HSF2: variants seen among roughly 807,000 people sequenced by gnomAD.
HSF2 encodes the protein heat shock transcription factor 2.
In HSF2, 21 loss-of-function variants were observed where a neutral mutation model predicts 65.0. The observed-to-expected ratio is 0.32, with a 90% CI of 0.23 to 0.47. The LOEUF (loss-of-function observed/expected upper bound fraction) is 0.47, where lower values mean the gene tolerates loss of function less well. HSF2 is among the 20% of genes least tolerant of loss of function. The probability of loss-of-function intolerance (pLI) is 1.00; values close to 1 mark genes in which losing one functional copy is unlikely to be tolerated. For synonymous variants in HSF2, 225 were observed against 219.1 expected, an observed-to-expected ratio of 1.03 and a Z score of -0.24; for missense variants, 499 against 628.1, an observed-to-expected ratio of 0.79 and a Z score of 2.20.
In HSF2 at chr6:122,399,762, G is replaced by A; in HGVS notation, c.25G>A (p.Ala9Thr). Residue 9 changes from alanine to threonine, a missense_variant, in exon 1 of 13, where the codon GCT becomes ACT. Ala to Thr is a moderately conservative substitution (Grantham distance 58). Transcript: ENST00000368455. ...AATGAAGCAGAGTTCGAACGTGCCGGCTTTCCTCAGCAAGCTGTGGACGCT... is the reference window on the plus strand; with the variant it reads ...AATGAAGCAGAGTTCGAACGTGCCGACTTTCCTCAGCAAGCTGTGGACGCT... MKQSSNVP[A>T]FLSKLWTLVE... 14 of 1,612,410 alleles carry A rather than the reference G, an allele frequency of 8.7e-6. No homozygotes were observed. Among genetic ancestry groups the A allele is most frequent in the Non-Finnish European group, 1.2e-5 (14 of 1,179,340 alleles).
intron 7 of HSF2, among the ~76,000 whole-genome samples, chr6:122,420,641 T>TTG (rs1389735179): frequency 6.6e-6 from 1 of 151,022 alleles, no homozygotes; most frequent in East Asian, 1.9e-4. Context: ...GTGTGGCTTT[T>TTG]TTTTAACTTG....
At chr6:122,405,737 C>T (rs1773855890) in intron 1 of HSF2, among the ~76,000 whole-genome samples, 1 of 152,188 alleles carries the variant, frequency 6.6e-6, no homozygotes, top group Non-Finnish European at 1.5e-5. Context: ...CACAGCTATG[C>T]CCAATCTATT....
chr6:122,409,272 TGTTA>T (rs1167216220), intron 1 of HSF2, among the ~76,000 whole-genome samples: 4 of 151,904 alleles, frequency 2.6e-5, no homozygotes, highest in African/African-American at 9.7e-5. Flanking sequence ...AGGAGGAGAT[TGTTA>T]GTTGTACCAA....
At chr6:122,400,005 G>T (rs1440007245) in intron 1 of HSF2, among the ~76,000 whole-genome samples, 175 bp downstream of exon 1, 1 of 152,102 alleles carries the variant, frequency 6.6e-6, no homozygotes, top group Non-Finnish European at 1.5e-5. Context: ...TCGGGGAGCC[G>T]CGGGGGCCCG....
chr6:122,408,674 G>T (rs1773920231), intron 1 of HSF2, among the ~76,000 whole-genome samples: 2 of 152,046 alleles, frequency 1.3e-5, no homozygotes, highest in African/African-American at 4.8e-5. Flanking sequence ...TAGTATCTGT[G>T]ATTGACATTT....
rs560468604 is a variant in HSF2 at position 122,420,028 on chromosome 6, C to CT, written c.594-107_594-106insT. 21 of 1,006,402 alleles carry CT rather than the reference C, an allele frequency of 2.1e-5. No individual in the cohort carries two copies. In the East Asian group the frequency reaches 5.5e-4, roughly 26 times the overall value. The allele number at this position is 1,006,402 out of a possible 1,614,324, so 62.3% of individuals were successfully genotyped here. A position where few individuals can be genotyped will look rare whatever the true frequency, so the allele number is the denominator to read the frequency against. On this transcript the variant is annotated intron_variant, in intron 6 of 12. Transcript: ENST00000368455. ...TTTATTGTTACTGAAATTTTTTATTCATTATTAAGTGAGTGTGCATGTGTG... is the reference window on the plus strand; with the variant it reads ...TTTATTGTTACTGAAATTTTTTATTCTATTATTAAGTGAGTGTGCATGTGTG...
chr6:122,432,261 A>T lies in HSF2; in HGVS notation c.*41A>T. Reference sequence around the variant, plus strand: ...ACTTTACATGTATATATTCATCAAAATGATGAACTATTTATTTTAAAGTAT... The same window carrying T: ...ACTTTACATGTATATATTCATCAAATTGATGAACTATTTATTTTAAAGTAT... On this transcript the variant is annotated 3_prime_UTR_variant, in exon 13 of 13. Coordinates refer to ENST00000368455, the MANE Select transcript of HSF2 (RefSeq NM_004506.4). 4.3e-6 allele frequency: 6 copies of T among 1,405,974 alleles called. No individual in the cohort carries two copies. Among genetic ancestry groups the T allele is most frequent in the Non-Finnish European group, 5.9e-6 (6 of 1,021,576 alleles). 87.1% of individuals were successfully genotyped at this position (1,405,974 alleles called of 1,614,324 possible).
At chr6:122,429,631 T>C (rs1379936411) in intron 11 of HSF2, among the ~76,000 whole-genome samples, 1 of 152,190 alleles carries the variant, frequency 6.6e-6, no homozygotes, top group Non-Finnish European at 1.5e-5. Flanking sequence ...TTCAGTATGA[T>C]ACTGGCTATG....
At chr6:122,431,290 G>C (rs1309940114) in intron 11 of HSF2, 140 bp from the exon 12 acceptor site, 6 of 368,760 alleles carry the variant, frequency 1.6e-5, no homozygotes, top group East Asian at 1.3e-4. Flanking sequence ...ATCTCTCTCT[G>C]TAGCCCATTT....
chr6:122,425,220 G>GT (rs1300284120), intron 10 of HSF2, among the ~76,000 whole-genome samples: 14 of 151,974 alleles, frequency 9.2e-5, no homozygotes, highest in African/African-American at 3.1e-4. Flanking sequence ...TTAGAAACGA[G>GT]TGGCTGTATT....
Position 122,412,390 on chromosome 6 carries a change from G to A in HSF2, c.111G>A (p.Leu37=), listed in dbSNP as rs1435362839. Residue 37 remains leucine (L), a synonymous_variant, in exon 2 of 13, where the codon CTG becomes CTA. Coordinates refer to ENST00000368455, the MANE Select transcript of HSF2 (RefSeq NM_004506.4). ...ITWSQNGQSF[L]VLDEQRFAKE... Reference sequence around the variant, plus strand: ...CCTTGCAGAATGGCCAAAGTTTTCTGGTCTTGGATGAGCAACGATTTGCAA... The same window carrying A: ...CCTTGCAGAATGGCCAAAGTTTTCTAGTCTTGGATGAGCAACGATTTGCAA... The A allele has an allele frequency of 1.9e-6, 3 of 1,608,406 alleles. No individual in the cohort carries two copies. In the African/African-American group the frequency reaches 4.0e-5, roughly 22 times the overall value.
chr6:122,430,725 A>C (rs1017614112), intron 11 of HSF2, among the ~76,000 whole-genome samples: 3 of 152,188 alleles, frequency 2.0e-5, no homozygotes, highest in African/African-American at 7.2e-5. Context: ...TGGGACTTAC[A>C]GGAAAAATTA....
intron 6 of HSF2, among the ~76,000 whole-genome samples, chr6:122,419,556 G>GT (rs1456000887): frequency 1.3e-5 from 2 of 151,590 alleles, no homozygotes; most frequent in African/African-American, 2.4e-5. Context: ...GAGGCCATAT[G>GT]TTAAAAAAAA....
intron 5 of HSF2, among the ~76,000 whole-genome samples, chr6:122,417,016 T>C (rs1774142240): frequency 6.6e-6 from 1 of 152,224 alleles, no homozygotes; most frequent in South Asian, 2.1e-4. Flanking sequence ...AGCTTCTGAT[T>C]GCTCCTGCTT....
chr6:122,431,389 A>C, intron 11 of HSF2, 41 bp from the exon 12 acceptor site: 2 of 972,902 alleles, frequency 2.1e-6, no homozygotes. Context: ...AGAAACATAA[A>C]ATATGAAACA....
At position 122,432,440 on chromosome 6, in the gene HSF2, G is replaced by A. The variant is rs1291170032; in HGVS notation, c.*220G>A. ...TACGCAGATGTAATGCACATTATTG[G>A]CGTATCTTTAAGTTGGATTCAAATG... is the stretch of plus-strand genomic sequence containing the variant. On this transcript the variant is annotated 3_prime_UTR_variant, in exon 13 of 13. Coordinates refer to ENST00000368455, the MANE Select transcript of HSF2 (RefSeq NM_004506.4). 1 of 436,870 alleles carries A rather than the reference G, an allele frequency of 2.3e-6. No individual in the cohort carries two copies. The highest frequency in any genetic ancestry group is 4.1e-6 in the Non-Finnish European group (1 of 245,924). 27.1% of individuals were successfully genotyped at this position (436,870 alleles called of 1,614,324 possible). A position where few individuals can be genotyped will look rare whatever the true frequency, so the allele number is the denominator to read the frequency against.
chr6:122,411,460 T>G (rs1773992537), intron 1 of HSF2, among the ~76,000 whole-genome samples: 1 of 151,940 alleles, frequency 6.6e-6, no homozygotes. Flanking sequence ...GTAGTTCCAT[T>G]TGTCTATTTT....
chr6:122,406,704 C>A (rs1773875381), intron 1 of HSF2, among the ~76,000 whole-genome samples: 1 of 152,078 alleles, frequency 6.6e-6, no homozygotes, highest in Non-Finnish European at 1.5e-5. Context: ...AGGATAAATC[C>A]ATTTGCTGAG....
In HSF2 at chr6:122,431,887, A is replaced by G. The variant is rs1301692694; in HGVS notation, c.1316-38A>G. 2.5e-6 allele frequency: 4 copies of G among 1,570,992 alleles called. No homozygotes were observed. The South Asian group carries it at 4.7e-5, about 19-fold the overall frequency. Reference sequence around the variant, plus strand: ...TTTCCCCTCAGCTTGAACTCAGTATAAGCTGGTGATAAAAGAGTGTTTTTC... The same window carrying G: ...TTTCCCCTCAGCTTGAACTCAGTATGAGCTGGTGATAAAAGAGTGTTTTTC... On this transcript the variant is annotated intron_variant, in intron 12 of 12. Coordinates refer to ENST00000368455, the MANE Select transcript of HSF2 (RefSeq NM_004506.4).
Sources: allele counts gnomAD v4.1 joint callset (sites outside exome capture counted in the v4.1 genomes callset), GRCh38; gene constraint gnomAD v4.1.1; transcripts MANE v1.5; gene names NCBI Gene and HGNC (gene_info 2026-07-23, HGNC 2026-07-21).